The following ALKBH3 variants were observed in gnomAD, a reference collection of about 807,000 sequenced individuals.
ALKBH3 encodes the protein alpha-ketoglutarate-dependent dioxygenase alkB homolog 3.
ALKBH3 carries 51 observed loss-of-function variants against 43.9 expected under a neutral mutation model. The ratio of observed to expected loss-of-function variants is 1.16; its 90% CI spans 0.93 to 1.47. The LOEUF is 1.47. Among genes scored for constraint, ALKBH3 ranks in the 40% most tolerant of loss-of-function variants. The pLI is 0.00. For missense variants in ALKBH3, 361 were observed against 351.9 expected (o/e 1.03, Z -0.21); for synonymous variants, 102 against 115.2 (o/e 0.89, Z 0.73).
chr11:43,911,757 C>T lies in ALKBH3; in HGVS notation c.670-7281C>T, dbSNP rs117944965. 2.8e-3 allele frequency among the ~76,000 whole-genome samples: 432 copies of T among 152,124 alleles called. 8 individuals carry two copies. Among genetic ancestry groups the T allele is most frequent in the East Asian group, 0.021 (108 of 5,172 alleles). ...GACAACTATTTGTTGAATGTGGAAT[C>T]GAATTAAAACTAATAATATAGACCA... On this transcript the variant is annotated intron_variant, in intron 8 of 9. Coordinates refer to ENST00000302708, the MANE Select transcript of ALKBH3 (RefSeq NM_139178.4).
intron 5 of ALKBH3, among the ~76,000 whole-genome samples, chr11:43,887,634 C>A (rs1951755341): frequency 6.6e-6 from 1 of 151,946 alleles, no homozygotes; most frequent in Non-Finnish European, 1.5e-5. Flanking sequence ...TTTCTTAGTG[C>A]CACATAATAA....
intron 7 of ALKBH3, among the ~76,000 whole-genome samples, chr11:43,894,346 A>AT (rs1343822038): frequency 6.6e-6 from 1 of 152,098 alleles, no homozygotes; most frequent in East Asian, 1.9e-4. Context: ...TGTGATTCAT[A>AT]TTTTTTGTAT....
chr11:43,891,837 G>A (rs1250416065), intron 6 of ALKBH3, among the ~76,000 whole-genome samples: 3 of 152,140 alleles, frequency 2.0e-5, no homozygotes, highest in Admixed American at 1.3e-4. Flanking sequence ...TTGCCCATGT[G>A]GTGTCTGCCA....
At chr11:43,888,396 C>T (rs902365355) in intron 5 of ALKBH3, among the ~76,000 whole-genome samples, 12 of 152,134 alleles carry the variant, frequency 7.9e-5, no homozygotes, top group African/African-American at 2.2e-4. Flanking sequence ...AGCCACCATA[C>T]GTGGCCTAGG....
At position 43,881,012 on chromosome 11, in the gene ALKBH3, T is replaced by A. The variant is rs1005754743; in HGVS notation, c.-238T>A. The A allele has an allele frequency of 3.3e-5, 5 of 152,130 alleles. No homozygotes were observed. Among genetic ancestry groups the A allele is most frequent in the Admixed American group, 3.3e-4 (5 of 15,274 alleles). 9.4% of individuals were successfully genotyped at this position (152,130 alleles called of 1,614,324 possible). ...CCCTGAAGTCTCTTCCTGGGCGACC[T>A]CCGGGGCCTCATTCTAGGCCTCCTT... On this transcript the variant is annotated 5_prime_UTR_variant, in exon 1 of 10. Coordinates refer to ENST00000302708, the MANE Select transcript of ALKBH3 (RefSeq NM_139178.4).
intron 7 of ALKBH3, chr11:43,899,676 G>A (rs1951847048): frequency 8.1e-6 from 3 of 370,568 alleles, no homozygotes; most frequent in Non-Finnish European, 5.0e-6. Flanking sequence ...CCTCTAGAGA[G>A]CAAATAGCTC....
chr11:43,898,826 A>G (rs1043192565), intron 7 of ALKBH3: 26 of 765,946 alleles, frequency 3.4e-5, no homozygotes, highest in Non-Finnish European at 6.1e-5. Flanking sequence ...TATGCAGGAA[A>G]TGACTACCAG....
intron 8 of ALKBH3, among the ~76,000 whole-genome samples, chr11:43,907,212 AGT>A (rs34632297): frequency 9.4e-5 from 14 of 149,458 alleles, no homozygotes; most frequent in Middle Eastern, 3.4e-3. Context: ...AGAGAGAGAG[AGT>A]GTGTGTGTGT....
chr11:43,898,086 C>T (rs1205276866), intron 7 of ALKBH3: 8 of 1,025,780 alleles, frequency 7.8e-6, no homozygotes, highest in East Asian at 2.4e-5. Context: ...GGCTGAGTGG[C>T]GATGCCCTCA....
chr11:43,907,325 C>T (rs1185464327), intron 8 of ALKBH3, among the ~76,000 whole-genome samples: 11 of 152,118 alleles, frequency 7.2e-5, no homozygotes, highest in African/African-American at 1.2e-4. Flanking sequence ...TCCTCATTTG[C>T]GTCCTTGGGG....
intron 5 of ALKBH3, among the ~76,000 whole-genome samples, chr11:43,889,290 G>T (rs1255166846): frequency 6.6e-6 from 1 of 152,180 alleles, no homozygotes; most frequent in Non-Finnish European, 1.5e-5. Context: ...CTCCCAAAGT[G>T]CTGGGATTAC....
intron 8 of ALKBH3, among the ~76,000 whole-genome samples, chr11:43,911,770 A>G (rs1951940599): frequency 6.6e-6 from 1 of 152,214 alleles, no homozygotes; most frequent in Admixed American, 6.5e-5. Flanking sequence ...ATTAAAACTA[A>G]TAATATAGAC....
chr11:43,900,382 C>T (rs1419063750), intron 7 of ALKBH3, among the ~76,000 whole-genome samples: 1 of 151,580 alleles, frequency 6.6e-6, no homozygotes, highest in Non-Finnish European at 1.5e-5. Context: ...TGCCACCATG[C>T]CCAGCTGATT....
Position 43,901,561 on chromosome 11 carries a change from A to G in ALKBH3, c.505A>G (p.Thr169Ala). The G allele has an allele frequency of 6.2e-7, 1 of 1,614,204 alleles. No individual in the cohort carries two copies. The highest frequency in any genetic ancestry group is 2.2e-5 in the East Asian group (1 of 44,882). Residue 169 changes from threonine (T) to alanine (A), a missense_variant, in exon 8 of 10, where the codon ACT becomes GCT. Transcript: ENST00000302708. Reference protein sequence around the residue: ...RTLKNRIEENTGHTFNSLLCN... With the variant: ...RTLKNRIEENAGHTFNSLLCN... ...ACTAAAGAACCGCATTGAAGAGAAC[A>G]CTGGCCACACCTTCAACTCCTTACT...
intron 9 of ALKBH3, among the ~76,000 whole-genome samples, 161 bp downstream of exon 9, chr11:43,919,297 A>G (rs557746802): frequency 1.3e-5 from 2 of 152,300 alleles, no homozygotes; most frequent in South Asian, 2.1e-4. Context: ...ACTACTGACA[A>G]TCCAGGTGGA....
At chr11:43,884,577 C>T (rs2081330261) in intron 4 of ALKBH3, among the ~76,000 whole-genome samples, 1 of 152,100 alleles carries the variant, frequency 6.6e-6, no homozygotes, top group Non-Finnish European at 1.5e-5. Flanking sequence ...TTATGCTTGT[C>T]AGTTTTCATC....
chr11:43,919,176 A>G, intron 9 of ALKBH3, 40 bp downstream of exon 9: 1 of 1,540,226 alleles, frequency 6.5e-7, no homozygotes, highest in Non-Finnish European at 9.0e-7. Context: ...TTTCATGTGG[A>G]GGCAGTTTCC....
intron 8 of ALKBH3, among the ~76,000 whole-genome samples, chr11:43,915,538 T>C (rs1460176213): frequency 1.3e-5 from 2 of 151,986 alleles, no homozygotes; most frequent in Non-Finnish European, 2.9e-5. Context: ...TCCCTCTTTT[T>C]AAAAAAAAAT....
intron 5 of ALKBH3, among the ~76,000 whole-genome samples, chr11:43,889,110 C>A (rs1226212942): frequency 1.3e-5 from 2 of 152,114 alleles, no homozygotes; most frequent in Non-Finnish European, 2.9e-5. Flanking sequence ...CTCACTGCAA[C>A]CTCCACCCCC....
Sources: gnomAD v4.1 joint callset for allele counts (sites outside exome capture counted in the v4.1 genomes callset) on GRCh38, gnomAD v4.1.1 for gene constraint, MANE v1.5 for transcripts, NCBI Gene and HGNC (gene_info 2026-07-23, HGNC 2026-07-21) for gene names.